The following CAST variants were observed in gnomAD, a reference collection of about 807,000 sequenced individuals.
The protein encoded by CAST is MIR583 host.
In CAST, 76 loss-of-function variants were observed where a neutral mutation model predicts 119.6. The observed-to-expected ratio is 0.64, with a 90% CI of 0.53 to 0.77. The LOEUF is 0.77. Ranked by LOEUF, CAST falls within the 30% of genes least tolerant of loss-of-function variation. The pLI is 0.00. For synonymous variants in CAST, 319 were observed against 331.6 expected (o/e 0.96, Z 0.41); for missense variants, 953 against 946.5 (o/e 1.01, Z -0.09).
At chr5:96,588,528 A>T (rs2150191045) in intron 1 of CAST, among the ~76,000 whole-genome samples, 1 of 152,280 alleles carries the variant, frequency 6.6e-6, no homozygotes, top group South Asian at 2.1e-4. Context: ...ATGCAAACAT[A>T]AGTTTACTGG....
chr5:96,250,964 G>A, the CAST span, among the ~76,000 whole-genome samples: 2 of 151,886 alleles, frequency 1.3e-5, no homozygotes, highest in South Asian at 4.2e-4. Context: ...AGGTACAGAG[G>A]TACAAAGGTA....
intron 1 of CAST, among the ~76,000 whole-genome samples, chr5:96,551,980 C>T (rs558051307): frequency 3.1e-4 from 47 of 152,270 alleles, no homozygotes; most frequent in African/African-American, 7.7e-4. Flanking sequence ...GAGACTTTAA[C>T]ACCCCACTGT....
At chr5:96,387,650 C>A in the CAST span, among the ~76,000 whole-genome samples, 1 of 152,168 alleles carries the variant, frequency 6.6e-6, no homozygotes, top group Non-Finnish European at 1.5e-5. Context: ...AAATGATACT[C>A]TTTTCTATGA....
the CAST span, among the ~76,000 whole-genome samples, chr5:96,026,367 G>A: frequency 1.1e-3 from 172 of 152,270 alleles, 2 homozygotes; most frequent in African/African-American, 4.0e-3. Flanking sequence ...AGCTCAGTAC[G>A]ATACTTGGAT....
At chr5:96,567,285 A>C (rs261227) in intron 1 of CAST, among the ~76,000 whole-genome samples, 49,722 of 151,924 alleles carry the variant, frequency 0.33, 8,833 homozygotes, top group Middle Eastern at 0.45. Flanking sequence ...CCACATTACA[A>C]ATCAAACCAC....
chr5:96,689,478 T>A (rs1752472616), intron 2 of CAST, among the ~76,000 whole-genome samples: 2 of 152,056 alleles, frequency 1.3e-5, no homozygotes, highest in South Asian at 4.1e-4. Flanking sequence ...ACCGTAAGCA[T>A]TTTTTTTCTG....
chr5:96,437,858 C>A, the CAST span, among the ~76,000 whole-genome samples: 2 of 152,218 alleles, frequency 1.3e-5, no homozygotes, highest in South Asian at 4.2e-4. Context: ...CCAAAGCAAC[C>A]CATTCTTTGG....
chr5:96,038,661 G>A, the CAST span, among the ~76,000 whole-genome samples: 2 of 151,798 alleles, frequency 1.3e-5, no homozygotes, highest in Non-Finnish European at 2.9e-5. Context: ...TGAGAGTGAT[G>A]GTTTCCAGCT....
the CAST span, among the ~76,000 whole-genome samples, chr5:95,975,613 G>A: frequency 6.6e-6 from 1 of 152,190 alleles, no homozygotes. Flanking sequence ...TTCCAGAGAG[G>A]TTGGCAATAA....
At chr5:96,030,871 C>T in the CAST span, among the ~76,000 whole-genome samples, 1 of 152,108 alleles carries the variant, frequency 6.6e-6, no homozygotes, top group Non-Finnish European at 1.5e-5. Context: ...ATAAAGAGAC[C>T]TTGTCTCTAT....
chr5:96,206,119 T>G, the CAST span, among the ~76,000 whole-genome samples: 1 of 152,016 alleles, frequency 6.6e-6, no homozygotes, highest in Non-Finnish European at 1.5e-5. Flanking sequence ...TATCTTCTTT[T>G]GAAACGTGTT....
At chr5:96,743,655 TGGA>T (rs767806590) in intron 16 of CAST, 1 of 1,613,410 alleles carries the variant, frequency 6.2e-7, no homozygotes, top group Non-Finnish European at 8.5e-7. Flanking sequence ...TCGACTTTCT[TGGA>T]GGGCTCACCG....
chr5:96,623,635 T>C (rs1747663009), intron 1 of CAST, among the ~76,000 whole-genome samples: 1 of 152,182 alleles, frequency 6.6e-6, no homozygotes. Context: ...TCCTCTGACA[T>C]TATTTTAGCA....
At chr5:96,527,035 AG>A (rs1745606954), upstream of CAST, among the ~76,000 whole-genome samples, 1 of 152,224 alleles carries the variant, frequency 6.6e-6, no homozygotes, top group African/African-American at 2.4e-5. Context: ...TGAAAGGAGC[AG>A]GGAGAGAAGC....
upstream of CAST, among the ~76,000 whole-genome samples, chr5:96,526,222 T>C (rs867269344): frequency 1.3e-5 from 2 of 152,164 alleles, no homozygotes; most frequent in African/African-American, 2.4e-5. Context: ...GTCCCACAAA[T>C]ACATGAGACT....
chr5:96,762,319 T>G lies in CAST; in HGVS notation c.1879T>G (p.Ser627Ala). The G allele has an allele frequency of 2.4e-5, 38 of 1,608,652 alleles. No homozygotes were observed. The highest frequency in any genetic ancestry group is 3.0e-5 in the Non-Finnish European group (35 of 1,178,322). Reference sequence around the variant, plus strand: ...TGCTGCTGCCATCTCTGAAGTGGTTTCCCAAACCCCAGCTTCAACGACCCA... The same window carrying G: ...TGCTGCTGCCATCTCTGAAGTGGTTGCCCAAACCCCAGCTTCAACGACCCA... ...KLAAAISEVV[S>A]QTPASTTQAG... Residue 627 changes from serine (S) to alanine (A), a missense_variant, in exon 25 of 32, where the codon TCC becomes GCC. Ser to Ala is a moderately conservative substitution (Grantham distance 99). Coordinates refer to ENST00000675179, the MANE Select transcript of CAST (RefSeq NM_001750.7).
the CAST span, among the ~76,000 whole-genome samples, chr5:96,406,844 C>T: frequency 6.6e-6 from 1 of 152,158 alleles, no homozygotes; most frequent in South Asian, 2.1e-4. Context: ...TAATATGCAA[C>T]CATAGCACCT....
chr5:96,055,292 C>T, the CAST span, among the ~76,000 whole-genome samples: 1 of 152,118 alleles, frequency 6.6e-6, no homozygotes, highest in Non-Finnish European at 1.5e-5. Context: ...TATGTAATTA[C>T]AATTCTATTA....
the CAST span, among the ~76,000 whole-genome samples, chr5:96,356,630 A>G: frequency 2.0e-5 from 3 of 152,262 alleles, no homozygotes; most frequent in South Asian, 2.1e-4. Context: ...GTTGTCAAAG[A>G]TCAGATGGTT....
Sources: gnomAD v4.1 joint callset for allele counts (sites outside exome capture counted in the v4.1 genomes callset) on GRCh38, gnomAD v4.1.1 for gene constraint, MANE v1.5 for transcripts, NCBI Gene and HGNC (gene_info 2026-07-23, HGNC 2026-07-21) for gene names.